The following PLEKHH3 variants were observed in gnomAD, a reference collection of about 807,000 sequenced individuals.
PLEKHH3 encodes pleckstrin homology, MyTH4 and FERM domain containing H3, also known as pleckstrin homology domain-containing family H member 3.
PLEKHH3 carries 57 observed loss-of-function variants against 77.8 expected under a neutral mutation model. The observed-to-expected ratio is 0.73, with a 90% confidence interval of 0.59 to 0.91. The LOEUF (loss-of-function observed/expected upper bound fraction) is 0.91, where lower values mean the gene tolerates loss of function less well. Among genes scored for constraint, PLEKHH3 ranks in the 40% least tolerant of loss-of-function variants. The pLI is 0.00. For missense variants in PLEKHH3, 1,082 were observed against 1,091.2 expected, an observed-to-expected ratio of 0.99 and a Z score of 0.12; for synonymous variants, 467 against 504.8, an observed-to-expected ratio of 0.93 and a Z score of 1.00.
Position 42,668,285 on chromosome 17 carries a change from G to A in PLEKHH3, c.2224C>T (p.Leu742=). ...QSPQVEEIMQ[L]VNAYLANPSP... is the part of the protein sequence containing the mutation. ...GGGTTGGCCAAGTAGGCATTCACCA[G>A]CTGCATGATCTCTTCCACCTAAGAG... is the stretch of plus-strand genomic sequence containing the variant. Residue 742 remains leucine (L), a synonymous_variant, in exon 13 of 13, where the codon CTG becomes TTG. Coordinates refer to ENST00000591022, the MANE Select transcript of PLEKHH3 (RefSeq NM_024927.5). 1 of 1,553,078 alleles carries A rather than the reference G, an allele frequency of 6.4e-7. No homozygotes were observed. The highest frequency in any genetic ancestry group is 1.2e-5 in the South Asian group (1 of 83,084).
Position 42,673,714 on chromosome 17 carries a change from C to A in PLEKHH3, c.419G>T (p.Arg140Leu), listed in dbSNP as rs572163901. 2 of 1,601,184 alleles carry A rather than the reference C, an allele frequency of 1.2e-6. No individual in the cohort carries two copies. Among genetic ancestry groups the A allele is most frequent in the Non-Finnish European group, 1.7e-6 (2 of 1,179,854 alleles). Reference sequence around the variant, plus strand: ...GGTGAGCACGAGGCTCCCGAGACGCCGCGCCCCTTTCCCGCTGCTGCTGAA... The same window carrying A: ...GGTGAGCACGAGGCTCCCGAGACGCAGCGCCCCTTTCCCGCTGCTGCTGAA... ...DQFSSSGKGARRLGSLVLTSL... is the reference protein window; with the variant it reads ...DQFSSSGKGALRLGSLVLTSL... Residue 140 changes from arginine (R) to leucine (L), a missense_variant, in exon 4 of 13, where the codon CGG becomes CTG. Coordinates refer to ENST00000591022, the MANE Select transcript of PLEKHH3 (RefSeq NM_024927.5).
chr17:42,670,189 G>A lies in PLEKHH3; in HGVS notation c.1742C>T (p.Pro581Leu), dbSNP rs947397108. 4.1e-6 allele frequency: 5 copies of A among 1,208,246 alleles called. No individual in the cohort carries two copies. The highest frequency in any genetic ancestry group is 3.2e-5 in the African/African-American group (2 of 62,936). 74.8% of individuals were successfully genotyped at this position (1,208,246 alleles called of 1,614,324 possible). A position where few individuals can be genotyped will look rare whatever the true frequency, so the allele number is the denominator to read the frequency against. ...CCCGGCCAGCAGGGCAGCGGAAGGG[G>A]GCGGCCTGGGGGTCGGGCGGGGCGG... ...EDPPRPTPRP[P>L]PSAALLAGAL... The change falls in exon 11 of 13, where the codon CCC becomes CTC. Residue 581 changes from proline (P) to leucine (L), a missense_variant. Pro to Leu is a moderately conservative substitution (Grantham distance 98). Around this residue, in one of 3 missense-constraint regions of PLEKHH3, gnomAD observed 733 missense variants for 750.0 expected, o/e 0.98. Transcript: ENST00000591022.
At position 42,676,077 on chromosome 17, in the gene PLEKHH3, C is replaced by A. The variant is rs2052819692; in HGVS notation, c.162+325G>T. ...GCCTCGCCACATTCCTCGGCGCTGG[C>A]GGAGGCGGAAGGAGACGGGATGGGA... On this transcript the variant is annotated intron_variant, in intron 1 of 12. Coordinates refer to ENST00000591022, the MANE Select transcript of PLEKHH3 (RefSeq NM_024927.5). This position sits in a 1 kb window ranked among gnomAD's most constrained non-coding sequence, Gnocchi z 6.6. 3 of 1,197,582 alleles carry A rather than the reference C, an allele frequency of 2.5e-6. No homozygotes were observed. Among genetic ancestry groups the A allele is most frequent in the Non-Finnish European group, 3.1e-6 (3 of 962,310 alleles). 74.2% of individuals were successfully genotyped at this position (1,197,582 alleles called of 1,614,324 possible).
At chr17:42,670,849 CCTGCGGCGG>C in intron 9 of PLEKHH3, 136 bp downstream of exon 9, 1 of 1,523,708 alleles carries the variant, frequency 6.6e-7, no homozygotes. Flanking sequence ...GGACTGCAAA[CCTGCGGCGG>C]GCAGGTCCGT....
chr17:42,671,058 C>T lies in PLEKHH3; in HGVS notation c.1357G>A (p.Gly453Arg), dbSNP rs1265843753. ...CCAGCCAGGGCTCGCTCCTGGGCCC[C>T]TCGCTGCTCGTACAGCGCGAATGCG... ...RNAFALYEQRGAQERALAGGT... is the reference protein window; with the variant it reads ...RNAFALYEQRRAQERALAGGT... Residue 453 changes from glycine to arginine, a missense_variant, in exon 9 of 13, where the codon GGG (glycine) becomes AGG (arginine). Around this residue, in one of 3 missense-constraint regions of PLEKHH3, gnomAD observed 733 missense variants for 750.0 expected, o/e 0.98. Transcript: ENST00000591022. This position sits in a 1 kb window ranked among gnomAD's most constrained non-coding sequence, Gnocchi z 4.7. 6.2e-7 allele frequency: 1 copy of T among 1,609,722 alleles called. No individual in the cohort carries two copies. The highest frequency in any genetic ancestry group is 1.3e-5 in the African/African-American group (1 of 74,756).
intron 1 of PLEKHH3, chr17:42,675,790 G>A: frequency 1.2e-6 from 1 of 826,546 alleles, no homozygotes; most frequent in African/African-American, 1.8e-5. Flanking sequence ...GCAGCCCAGT[G>A]TCCCTCACCA....
intron 1 of PLEKHH3, chr17:42,674,661 G>A: frequency 2.5e-6 from 1 of 394,568 alleles, no homozygotes; most frequent in Non-Finnish European, 4.5e-6. Flanking sequence ...AATACAATCA[G>A]GGGTAGGGTA....
Position 42,673,424 on chromosome 17 carries a change from G to A in PLEKHH3, c.623C>T (p.Thr208Ile). 6.2e-7 allele frequency: 1 copy of A among 1,613,498 alleles called. No homozygotes were observed. Among genetic ancestry groups the A allele is most frequent in the Non-Finnish European group, 8.5e-7 (1 of 1,179,928 alleles). Residue 208 changes from threonine (T) to isoleucine (I), a missense_variant, in exon 5 of 13, where the codon ACC becomes ATC. Coordinates refer to ENST00000591022, the MANE Select transcript of PLEKHH3 (RefSeq NM_024927.5). ...CTGTATGTCCCTGAGCAGTAGCTGG[G>A]TGGGGGTCTCCAGGGGTGCCTTGGA... is the stretch of plus-strand genomic sequence containing the variant. ...IASKAPLETPTQLLLRDIQES... is the reference protein window; with the variant it reads ...IASKAPLETPIQLLLRDIQES...
chr17:42,669,586 C>T lies in PLEKHH3; in HGVS notation c.2049G>A (p.Leu683=), dbSNP rs1331003377. Residue 683 remains leucine, a synonymous_variant, in exon 12 of 13, where the codon CTG becomes CTA. Transcript: ENST00000591022. The part of the protein sequence containing the change: ...PGRGAPQKLC[L]GLGAKAMSLS... The stretch of plus-strand genomic sequence containing the variant: ...GGGACATGGCCTTGGCTCCCAAGCC[C>T]AGGCACAGCTTCTGTGGAGCACCCC... 2.5e-6 allele frequency: 4 copies of T among 1,610,452 alleles called. No individual in the cohort carries two copies. In the East Asian group the frequency reaches 8.9e-5, roughly 36 times the overall value.
At position 42,676,676 on chromosome 17, in the gene PLEKHH3, G is replaced by T; in HGVS notation, c.-113C>A. ...GGGGAAAGATGAGGTGGGAGGAGCAGAAGGGAGAAGAGGACAGGGAGGAGG... is the reference window on the plus strand; with the variant it reads ...GGGGAAAGATGAGGTGGGAGGAGCATAAGGGAGAAGAGGACAGGGAGGAGG... On this transcript the variant is annotated 5_prime_UTR_variant, in exon 1 of 13. In the 5' UTR this introduces an upstream ATG that the reference lacks. Coordinates refer to ENST00000591022, the MANE Select transcript of PLEKHH3 (RefSeq NM_024927.5). The surrounding 1 kb of genome is among the most constrained non-coding windows in gnomAD (Gnocchi z 6.6). 1 of 1,043,952 alleles carries T rather than the reference G, an allele frequency of 9.6e-7. No individual in the cohort carries two copies. Among genetic ancestry groups the T allele is most frequent in the Non-Finnish European group, 1.4e-6 (1 of 704,794 alleles). The allele number at this position is 1,043,952 out of a possible 1,614,324, so 64.7% of individuals were successfully genotyped here. A position where few individuals can be genotyped will look rare whatever the true frequency, so the allele number is the denominator to read the frequency against.
chr17:42,675,623 C>T (rs886435111), intron 1 of PLEKHH3, among the ~76,000 whole-genome samples: 4 of 152,328 alleles, frequency 2.6e-5, no homozygotes, highest in African/African-American at 9.6e-5. Flanking sequence ...TGCTGGGGAC[C>T]CCTGCGCGGG....
rs1460193170 is a variant in PLEKHH3, at chr17:42,673,951, G to C, written c.281C>G (p.Pro94Arg). 1 of 1,613,506 alleles carries C rather than the reference G, an allele frequency of 6.2e-7. No homozygotes were observed. Among genetic ancestry groups the C allele is most frequent in the African/African-American group, 1.3e-5 (1 of 75,002 alleles). The part of the protein sequence containing the change: ...IPEKGLPEDD[P>R]DIVVKGWLYR... The stretch of plus-strand genomic sequence containing the variant: ...GTCTCTACCTTTCACAACGATGTCC[G>C]GGTCGTCCTCCGGCAGCCCTTTCTC... Residue 94 changes from proline to arginine, a missense_variant, in exon 3 of 13, where the codon CCG (proline) becomes CGG (arginine). By Grantham distance (103) the Pro-to-Arg change is moderately radical. Around this residue, in one of 3 missense-constraint regions of PLEKHH3, gnomAD observed 344 missense variants for 320.8 expected, o/e 1.07. Transcript: ENST00000591022.
In PLEKHH3 at chr17:42,674,426, G is replaced by C; in HGVS notation, c.163-17C>G. On this transcript the variant is annotated splice_polypyrimidine_tract_variant and intron_variant, in intron 1 of 12. Coordinates refer to ENST00000591022, the MANE Select transcript of PLEKHH3 (RefSeq NM_024927.5). The stretch of plus-strand genomic sequence containing the variant: ...CAGGGGACCCTGGGGAGACAGGCGG[G>C]GAAGCCCTCAGGGTCAGAGCCCTTC... 6.3e-7 allele frequency: 1 copy of C among 1,578,772 alleles called. No individual in the cohort carries two copies. The highest frequency in any genetic ancestry group is 8.6e-7 in the Non-Finnish European group (1 of 1,163,826).
chr17:42,673,931 T>C lies in PLEKHH3; in HGVS notation c.298+3A>G, dbSNP rs1039464569. ...TCCAGAGTGCACTGAGGGGGGTCTC[T>C]ACCTTTCACAACGATGTCCGGGTCG... is the stretch of plus-strand genomic sequence containing the variant. On this transcript the variant is annotated splice_donor_region_variant and intron_variant, in intron 3 of 12. Transcript: ENST00000591022. The C allele has an allele frequency of 4.3e-6, 7 of 1,613,112 alleles. No individual in the cohort carries two copies. The highest frequency in any genetic ancestry group is 4.2e-6 in the Non-Finnish European group (5 of 1,179,830).
At position 42,672,260 on chromosome 17, in the gene PLEKHH3, C is replaced by T. The variant is rs1215580471; in HGVS notation, c.902G>A (p.Arg301Gln). 2 of 1,550,968 alleles carry T rather than the reference C, an allele frequency of 1.3e-6. No homozygotes were observed. The highest frequency in any genetic ancestry group is 1.2e-5 in the South Asian group (1 of 84,080). The change falls in exon 7 of 13, where the codon CGG becomes CAG. Residue 301 changes from arginine to glutamine, a missense_variant. Physicochemically the swap from Arg to Gln is conservative, Grantham distance 43. Transcript: ENST00000591022. Reference protein sequence around the residue: ...LQTCRDLPALRDELFLQLAKQ... With the variant: ...LQTCRDLPALQDELFLQLAKQ... The stretch of plus-strand genomic sequence containing the variant: ...AGCCAGCTGCAGGAAGAGTTCATCC[C>T]GGAGCGCGGGCAAGTCCCGGCAGGT...
At position 42,672,209 on chromosome 17, in the gene PLEKHH3, G is replaced by T; in HGVS notation, c.953C>A (p.Pro318His). The change falls in exon 7 of 13, where the codon CCC becomes CAC. Residue 318 changes from proline to histidine, a missense_variant. Physicochemically the swap from Pro to His is moderately conservative, Grantham distance 77 (BLOSUM62 -2). Coordinates refer to ENST00000591022, the MANE Select transcript of PLEKHH3 (RefSeq NM_024927.5). Reference protein sequence around the residue: ...LAKQTSGPAGPPGLPATQDPA... With the variant: ...LAKQTSGPAGHPGLPATQDPA... Reference sequence around the variant, plus strand: ...GTCTTGGGTAGCCGGGAGCCCGGGGGGACCTGCAGGGCCCGAGGTCTGCTT... The same window carrying T: ...GTCTTGGGTAGCCGGGAGCCCGGGGTGACCTGCAGGGCCCGAGGTCTGCTT... The T allele has an allele frequency of 6.4e-7, 1 of 1,551,210 alleles. No individual in the cohort carries two copies.
At position 42,676,753 on chromosome 17, in the gene PLEKHH3, CTCAGTGTCTGGGCCCCCGGAGGGGGGA is replaced by C; in HGVS notation, c.-217_-191del. On this transcript the variant is annotated 5_prime_UTR_variant, in exon 1 of 13. Coordinates refer to ENST00000591022, the MANE Select transcript of PLEKHH3 (RefSeq NM_024927.5). This position sits in a 1 kb window ranked among gnomAD's most constrained non-coding sequence, Gnocchi z 6.6. Reference sequence around the variant, plus strand: ...GACGCTAGCCAGACGCTGAGGGGGGCTCAGTGTCTGGGCCCCCGGAGGGGGGAGGGGGAAAAGCGTCCAGGGCCCCGG... The same window carrying C: ...GACGCTAGCCAGACGCTGAGGGGGGCGGGGGAAAAGCGTCCAGGGCCCCGG... The C allele has an allele frequency of 1.6e-6, 1 of 625,718 alleles. No homozygotes were observed. Among genetic ancestry groups the C allele is most frequent in the South Asian group, 1.9e-5 (1 of 52,304 alleles). The allele number at this position is 625,718 out of a possible 1,614,324, so 38.8% of individuals were successfully genotyped here.
Position 42,671,222 on chromosome 17 carries a change from C to A in PLEKHH3, c.1285-92G>T. The A allele has an allele frequency of 6.6e-7, 1 of 1,521,540 alleles. No homozygotes were observed. The highest frequency in any genetic ancestry group is 2.0e-5 in the Admixed American group (1 of 50,022). The allele number at this position is 1,521,540 out of a possible 1,614,324, so 94.3% of individuals were successfully genotyped here. ...ATTGGAAGGGGTCTCTTAGTCCTGT[C>A]ACCACCACTCCCTCCCTTACCAAAA... On this transcript the variant is annotated intron_variant, in intron 8 of 12. Coordinates refer to ENST00000591022, the MANE Select transcript of PLEKHH3 (RefSeq NM_024927.5). The surrounding 1 kb of genome is among the most constrained non-coding windows in gnomAD (Gnocchi z 4.7).
At chr17:42,675,774 C>A in intron 1 of PLEKHH3, 1 of 743,724 alleles carries the variant, frequency 1.3e-6, no homozygotes, top group Non-Finnish European at 1.6e-6. Flanking sequence ...TCGACAAAAC[C>A]AGGCAGCAGC....
Sources: gnomAD v4.1 joint callset for allele counts (sites outside exome capture counted in the v4.1 genomes callset) on GRCh38, gnomAD v4.1.1 for gene constraint, gnomAD v4.1.1 regional missense constraint, Gnocchi (gnomAD v3.1) non-coding constraint, MANE v1.5 for transcripts, NCBI Gene and HGNC (gene_info 2026-07-23, HGNC 2026-07-21) for gene names.